Variants in TACR3 observed in about 807,000 individuals in gnomAD.
TACR3 encodes the protein neuromedin-K receptor.
TACR3 carries 34 observed loss-of-function variants against 35.0 expected under a neutral mutation model. The observed-to-expected ratio is 0.97, with a 90% CI of 0.74 to 1.30. The LOEUF is 1.30. TACR3 is among the 50% of genes most tolerant of loss of function. TACR3 has a pLI of 0.00. For synonymous variants in TACR3, 233 were observed against 221.1 expected (o/e 1.05, Z -0.48); for missense variants, 558 against 591.7 (o/e 0.94, Z 0.59).
intron 3 of TACR3, among the ~76,000 whole-genome samples, chr4:103,634,197 A>G (rs891299541): frequency 2.6e-5 from 4 of 152,140 alleles, no homozygotes; most frequent in African/African-American, 9.7e-5. Flanking sequence ...ATTAACAGTA[A>G]CCTCTAATGA....
chr4:103,670,097 C>T (rs538975656), intron 1 of TACR3, among the ~76,000 whole-genome samples: 26 of 151,970 alleles, frequency 1.7e-4, no homozygotes, highest in African/African-American at 5.3e-4. Flanking sequence ...TTGTCATTTC[C>T]CCAATGTATG....
chr4:103,656,375 G>A (rs781147124), intron 2 of TACR3, 31 bp from the exon 3 acceptor site: 2 of 1,604,270 alleles, frequency 1.2e-6, no homozygotes. Flanking sequence ...ACATGCTGAA[G>A]ACCTTATTGG....
chr4:103,631,240 T>C (rs901066732), intron 3 of TACR3, among the ~76,000 whole-genome samples: 2 of 152,030 alleles, frequency 1.3e-5, no homozygotes, highest in South Asian at 4.2e-4. Flanking sequence ...GACGAGTTGA[T>C]GAGTGCAGCA....
chr4:103,599,558 T>G (rs1397541705), intron 3 of TACR3, among the ~76,000 whole-genome samples: 4 of 152,204 alleles, frequency 2.6e-5, no homozygotes, highest in Non-Finnish European at 5.9e-5. Context: ...TGCTTCCAGT[T>G]TTTGCCCATT....
Position 103,588,965 on chromosome 4 carries a change from A to T in TACR3, c.*717T>A, listed in dbSNP as rs1249526954. Reference sequence around the variant, plus strand: ...TTAACTGACTACTTTTTAGCTTGGTATTCAAAAATAAGTAATGGTCAAAAA... The same window carrying T: ...TTAACTGACTACTTTTTAGCTTGGTTTTCAAAAATAAGTAATGGTCAAAAA... On this transcript the variant is annotated 3_prime_UTR_variant, in exon 5 of 5. Coordinates refer to ENST00000304883, the MANE Select transcript of TACR3 (RefSeq NM_001059.3). 1.3e-5 allele frequency: 2 copies of T among 152,134 alleles called. No individual in the cohort carries two copies. The highest frequency in any genetic ancestry group is 4.8e-5 in the African/African-American group (2 of 41,448). The allele number at this position is 152,134 out of a possible 1,614,324, so 9.4% of individuals were successfully genotyped here.
chr4:103,703,058 TAATAA>T (rs1442694487), intron 1 of TACR3, among the ~76,000 whole-genome samples: 1 of 152,010 alleles, frequency 6.6e-6, no homozygotes, highest in Non-Finnish European at 1.5e-5. Context: ...TAATAAAAAA[TAATAA>T]AATAAAATAA....
chr4:103,627,502 C>A (rs576517176), intron 3 of TACR3, among the ~76,000 whole-genome samples: 1 of 151,444 alleles, frequency 6.6e-6, no homozygotes, highest in African/African-American at 2.4e-5. Flanking sequence ...CCAGCCTGGG[C>A]GATAGAGCAA....
At chr4:103,597,760 T>C (rs1483787303) in intron 3 of TACR3, among the ~76,000 whole-genome samples, 1 of 152,186 alleles carries the variant, frequency 6.6e-6, no homozygotes, top group African/African-American at 2.4e-5. Flanking sequence ...GTTTCATCCA[T>C]GTCCCTACAA....
intron 1 of TACR3, among the ~76,000 whole-genome samples, chr4:103,681,148 C>T (rs943432334): frequency 6.6e-6 from 1 of 151,894 alleles, no homozygotes; most frequent in Non-Finnish European, 1.5e-5. Context: ...AAAATATTTA[C>T]CAAATTCAAG....
At chr4:103,636,050 A>AAAAAT (rs1725180849) in intron 3 of TACR3, among the ~76,000 whole-genome samples, 1 of 151,994 alleles carries the variant, frequency 6.6e-6, no homozygotes, top group Non-Finnish European at 1.5e-5. Flanking sequence ...AGAATTTCTC[A>AAAAAT]AAAATAAACA....
intron 3 of TACR3, among the ~76,000 whole-genome samples, chr4:103,634,273 A>G (rs929151733): frequency 6.6e-6 from 1 of 152,150 alleles, no homozygotes; most frequent in Non-Finnish European, 1.5e-5. Flanking sequence ...CTGAATTAGA[A>G]ATAAAAACTT....
At chr4:103,638,285 A>G (rs199703636) in intron 3 of TACR3, among the ~76,000 whole-genome samples, 104,357 of 148,000 alleles carry the variant, frequency 0.71, 37,537 homozygotes, top group African/African-American at 0.87. Context: ...AAATAATGCC[A>G]CATATCTACA....
intron 3 of TACR3, among the ~76,000 whole-genome samples, chr4:103,645,996 C>T (rs2110322745): frequency 6.6e-6 from 1 of 152,126 alleles, no homozygotes; most frequent in East Asian, 1.9e-4. Context: ...CTGTCATGTA[C>T]ATGGCACGGA....
At chr4:103,635,216 A>G (rs1264459421) in intron 3 of TACR3, among the ~76,000 whole-genome samples, 3 of 151,980 alleles carry the variant, frequency 2.0e-5, no homozygotes, top group Admixed American at 1.3e-4. Context: ...TTTATCTCCC[A>G]CTAAAACATT....
intron 1 of TACR3, among the ~76,000 whole-genome samples, chr4:103,703,954 T>C (rs575057456): frequency 6.6e-6 from 1 of 150,794 alleles, no homozygotes; most frequent in Non-Finnish European, 1.5e-5. Context: ...ACAAAAAAAA[T>C]TTAGCAGGGC....
At chr4:103,712,930 A>G (rs190260319) in intron 1 of TACR3, among the ~76,000 whole-genome samples, 93 of 152,328 alleles carry the variant, frequency 6.1e-4, no homozygotes, top group African/African-American at 2.1e-3. Flanking sequence ...ATGACATACC[A>G]TCTCACACCA....
At chr4:103,713,187 G>A (rs929197977) in intron 1 of TACR3, among the ~76,000 whole-genome samples, 15 of 152,062 alleles carry the variant, frequency 9.9e-5, no homozygotes, top group East Asian at 3.9e-4. Flanking sequence ...TATGTTTACC[G>A]CGGCACTACT....
intron 3 of TACR3, among the ~76,000 whole-genome samples, chr4:103,626,184 G>A (rs1336547942): frequency 6.6e-6 from 1 of 152,172 alleles, no homozygotes; most frequent in African/African-American, 2.4e-5. Flanking sequence ...TGGGACAGAT[G>A]TGAACTGACG....
chr4:103,636,950 C>T (rs1466702715), intron 3 of TACR3, among the ~76,000 whole-genome samples: 3 of 152,008 alleles, frequency 2.0e-5, no homozygotes, highest in African/African-American at 7.2e-5. Context: ...TAATCAATAG[C>T]TTACCAACCA....
Sources: gnomAD v4.1 joint callset for allele counts (sites outside exome capture counted in the v4.1 genomes callset) on GRCh38, gnomAD v4.1.1 for gene constraint, MANE v1.5 for transcripts, NCBI Gene and HGNC (gene_info 2026-07-23, HGNC 2026-07-21) for gene names.